Variants in GAD2 observed in about 807,000 individuals in gnomAD.
The protein encoded by GAD2 is 65 kDa glutamic acid decarboxylase.
In GAD2, 22 loss-of-function variants were observed where a neutral mutation model predicts 80.1. The observed-to-expected ratio is 0.27, with a 90% confidence interval of 0.20 to 0.39. The LOEUF is 0.39. Among genes scored for constraint, GAD2 ranks in the 10% least tolerant of loss-of-function variants. The probability of loss-of-function intolerance (pLI) is 1.00; values close to 1 mark genes in which losing one functional copy is unlikely to be tolerated. For missense variants in GAD2, 624 were observed against 738.4 expected (o/e 0.85, Z 1.80); for synonymous variants, 274 against 256.9 (o/e 1.07, Z -0.64).
intron 3 of GAD2, 32 bp downstream of exon 3, chr10:26,218,023 C>T: frequency 1.3e-6 from 2 of 1,567,256 alleles, no homozygotes; most frequent in Non-Finnish European, 1.7e-6. Flanking sequence ...CCGGGGCGCC[C>T]CTGCCCCTCT....
At chr10:26,291,055 CAG>C (rs1326378670) in intron 13 of GAD2, among the ~76,000 whole-genome samples, 1 of 152,218 alleles carries the variant, frequency 6.6e-6, no homozygotes, top group African/African-American at 2.4e-5. Flanking sequence ...CATGGGAAAT[CAG>C]AGAGGCATCA....
intron 8 of GAD2, 65 bp downstream of exon 8, chr10:26,246,065 T>C (rs181022162): frequency 7.2e-7 from 1 of 1,392,750 alleles, no homozygotes; most frequent in African/African-American, 1.4e-5. Flanking sequence ...TAGTGCCTTT[T>C]GGTCTGAAAA....
intron 8 of GAD2, among the ~76,000 whole-genome samples, chr10:26,262,428 C>A (rs1412584251): frequency 1.3e-5 from 2 of 151,770 alleles, no homozygotes; most frequent in African/African-American, 4.8e-5. Flanking sequence ...CATAACATCT[C>A]TTTCATTTCA....
chr10:26,223,273 T>C (rs1844475992), intron 4 of GAD2, among the ~76,000 whole-genome samples: 1 of 152,228 alleles, frequency 6.6e-6, no homozygotes, highest in Non-Finnish European at 1.5e-5. Flanking sequence ...ATTAGCTTTG[T>C]CCATGCCATC....
chr10:26,292,476 G>C lies in GAD2; in HGVS notation c.1398G>C (p.Gly466=). The change falls in exon 14 of 16, where the codon GGG becomes GGC. Residue 466 remains glycine (G), a synonymous_variant. Transcript: ENST00000376261. ...CTTCTCTTACCTAGGGGACTACCGG[G>C]TTTGAAGCGCATGTTGATAAATGTT... The part of the protein sequence containing the change: ...WLMWRAKGTT[G]FEAHVDKCLE... 1 of 1,613,816 alleles carries C rather than the reference G, an allele frequency of 6.2e-7. No individual in the cohort carries two copies. Among genetic ancestry groups the C allele is most frequent in the Non-Finnish European group, 8.5e-7 (1 of 1,179,772 alleles).
At chr10:26,293,880 A>G (rs1370282702) in intron 15 of GAD2, among the ~76,000 whole-genome samples, 1 of 152,216 alleles carries the variant, frequency 6.6e-6, no homozygotes, top group East Asian at 1.9e-4. Context: ...AGGATTGTCC[A>G]CCCATCTTGC....
chr10:26,223,962 C>T lies in GAD2; in HGVS notation c.596C>T (p.Thr199Ile), dbSNP rs774652278. 2 of 1,609,668 alleles carry T rather than the reference C, an allele frequency of 1.2e-6. No individual in the cohort carries two copies. Among genetic ancestry groups the T allele is most frequent in the East Asian group, 2.2e-5 (1 of 44,810 alleles). The change falls in exon 5 of 16, where the codon ACA becomes ATA. Residue 199 changes from threonine (T) to isoleucine (I), a missense_variant. Thr to Ile is a moderately conservative substitution (Grantham distance 89). Transcript: ENST00000376261. ...TTAGCAGCAGACTGGCTGACATCAA[C>T]AGCAAATACTAACATGTAAGTAGCC... ...VGLAADWLTS[T>I]ANTNMFTYEI...
rs748442746 is a variant in GAD2 at position 26,299,581 on chromosome 10, G to A, written c.1585-1207G>A. Reference sequence around the variant, plus strand: ...TACTCTTTATAGCAATAAGAACTTAGGAATCCCCCAACATGAACCAAGCAC... The same window carrying A: ...TACTCTTTATAGCAATAAGAACTTAAGAATCCCCCAACATGAACCAAGCAC... On this transcript the variant is annotated intron_variant, in intron 15 of 15. Transcript: ENST00000376261. Among the ~76,000 whole-genome samples, 47 of 152,208 alleles carry A rather than the reference G, an allele frequency of 3.1e-4. No individual in the cohort carries two copies. In the Middle Eastern group the frequency reaches 0.017, roughly 55 times the overall value.
At chr10:26,251,584 C>T (rs1033463157) in intron 8 of GAD2, among the ~76,000 whole-genome samples, 4 of 152,172 alleles carry the variant, frequency 2.6e-5, no homozygotes, top group Admixed American at 6.5e-5. Flanking sequence ...GTTACTGTTA[C>T]GAATAACCTT....
chr10:26,230,425 T>TTTTGTTTGTTTGTTTG (rs113492564), intron 7 of GAD2, among the ~76,000 whole-genome samples: 20 of 151,812 alleles, frequency 1.3e-4, no homozygotes, highest in African/African-American at 4.8e-4. Flanking sequence ...CCTTGAGCCT[T>TTTTGTTTGTTTGTTTG]TTTGTTTGTT....
chr10:26,258,826 T>TG (rs1844975214), intron 8 of GAD2, among the ~76,000 whole-genome samples: 1 of 135,186 alleles, frequency 7.4e-6, no homozygotes, highest in Non-Finnish European at 1.6e-5. Context: ...TTTTTTTTTT[T>TG]TCTTTGAGAC....
intron 13 of GAD2, among the ~76,000 whole-genome samples, chr10:26,288,369 T>C (rs779008773): frequency 4.3e-4 from 66 of 152,198 alleles, no homozygotes; most frequent in Non-Finnish European, 8.4e-4. Context: ...GAGCTTTACA[T>C]GAAGTGAAGC....
chr10:26,288,355 T>C (rs1017986300), intron 13 of GAD2, among the ~76,000 whole-genome samples: 1 of 152,184 alleles, frequency 6.6e-6, no homozygotes, highest in Admixed American at 6.5e-5. Context: ...AAGCTAAATA[T>C]CAGGAGCTTT....
chr10:26,250,518 T>A (rs1012340596), intron 8 of GAD2, among the ~76,000 whole-genome samples: 7 of 151,128 alleles, frequency 4.6e-5, no homozygotes, highest in African/African-American at 1.7e-4. Context: ...GAAGGAGGGG[T>A]CGGGAGAGGC....
intron 15 of GAD2, among the ~76,000 whole-genome samples, chr10:26,298,016 G>A (rs563646093): frequency 6.6e-5 from 10 of 152,346 alleles, no homozygotes; most frequent in Non-Finnish European, 1.0e-4. Context: ...CATAAACACA[G>A]TTTGTGCACC....
chr10:26,243,803 T>C (rs1844772216), intron 7 of GAD2, among the ~76,000 whole-genome samples: 1 of 152,254 alleles, frequency 6.6e-6, no homozygotes, highest in Non-Finnish European at 1.5e-5. Flanking sequence ...ACTTGTCCTC[T>C]TACCTGAGTT....
At chr10:26,282,322 G>A (rs1018659654) in intron 12 of GAD2, among the ~76,000 whole-genome samples, 2 of 151,986 alleles carry the variant, frequency 1.3e-5, no homozygotes, top group Non-Finnish European at 2.9e-5. Context: ...AGAAAGTTGA[G>A]GCAGAACAGA....
intron 4 of GAD2, among the ~76,000 whole-genome samples, chr10:26,219,825 G>A (rs879294799): frequency 6.6e-6 from 1 of 151,988 alleles, no homozygotes; most frequent in Non-Finnish European, 1.5e-5. Flanking sequence ...AAGGAAATGT[G>A]CACAACACAC....
chr10:26,270,304 A>C (rs1845119824), intron 9 of GAD2, among the ~76,000 whole-genome samples: 1 of 152,062 alleles, frequency 6.6e-6, no homozygotes, highest in South Asian at 2.1e-4. Context: ...CTTGAAAGTG[A>C]GCAAAGGGGG....
Sources: allele counts gnomAD v4.1 joint callset (sites outside exome capture counted in the v4.1 genomes callset), GRCh38; gene constraint gnomAD v4.1.1; transcripts MANE v1.5; gene names NCBI Gene and HGNC (gene_info 2026-07-23, HGNC 2026-07-21).